The following PDE4B variants were observed in gnomAD, a reference collection of about 807,000 sequenced individuals.
PDE4B encodes 3',5'-cyclic-AMP phosphodiesterase 4B.
PDE4B carries 20 observed loss-of-function variants against 82.2 expected under a neutral mutation model. The observed-to-expected ratio is 0.24, with a 90% CI of 0.17 to 0.35. PDE4B has a LOEUF of 0.35. Ranked by LOEUF, PDE4B falls within the 10% of genes least tolerant of loss-of-function variation. The probability of loss-of-function intolerance (pLI) is 1.00; values close to 1 mark genes in which losing one functional copy is unlikely to be tolerated. For synonymous variants in PDE4B, 320 were observed against 318.9 expected, an observed-to-expected ratio of 1.00 and a Z score of -0.04; for missense variants, 655 against 907.2, an observed-to-expected ratio of 0.72 and a Z score of 3.57.
intron 3 of PDE4B, among the ~76,000 whole-genome samples, chr1:66,223,193 G>T (rs773138191): frequency 6.6e-6 from 1 of 152,138 alleles, no homozygotes; most frequent in African/African-American, 2.4e-5. Flanking sequence ...TATAGTTTCA[G>T]GTAGTGATGC....
intron 1 of PDE4B, among the ~76,000 whole-genome samples, chr1:65,825,577 G>A (rs1646004196): frequency 6.6e-6 from 1 of 151,988 alleles, no homozygotes; most frequent in Non-Finnish European, 1.5e-5. Context: ...CAGGTGCAGT[G>A]GCTCACACCT....
At chr1:66,028,722 C>A (rs1367700683) in intron 3 of PDE4B, among the ~76,000 whole-genome samples, 2 of 152,164 alleles carry the variant, frequency 1.3e-5, no homozygotes, top group African/African-American at 4.8e-5. Flanking sequence ...TTCCACAAAT[C>A]TCTAGGGGAG....
chr1:66,119,638 A>C (rs547783353), intron 3 of PDE4B, among the ~76,000 whole-genome samples: 1 of 152,212 alleles, frequency 6.6e-6, no homozygotes, highest in Non-Finnish European at 1.5e-5. Flanking sequence ...TCCAATTAGC[A>C]GAGGGAGCTC....
intron 1 of PDE4B, among the ~76,000 whole-genome samples, chr1:65,849,883 G>T (rs1646310668): frequency 1.3e-5 from 2 of 152,132 alleles, no homozygotes; most frequent in African/African-American, 4.8e-5. Context: ...ATTACAGCCA[G>T]TTATTGCAAA....
At chr1:66,027,041 T>A (rs1653475210) in intron 3 of PDE4B, among the ~76,000 whole-genome samples, 1 of 152,246 alleles carries the variant, frequency 6.6e-6, no homozygotes, top group Admixed American at 6.5e-5. Flanking sequence ...ATTCTTGGCC[T>A]TTGTTTTACC....
intron 1 of PDE4B, among the ~76,000 whole-genome samples, chr1:65,884,474 G>A (rs1354322832): frequency 1.3e-5 from 2 of 151,936 alleles, no homozygotes; most frequent in Non-Finnish European, 2.9e-5. Flanking sequence ...ACAAGGCCAT[G>A]GTAACCAAAA....
chr1:66,262,366 A>C (rs1430164500), intron 6 of PDE4B, among the ~76,000 whole-genome samples: 1 of 152,198 alleles, frequency 6.6e-6, no homozygotes, highest in Non-Finnish European at 1.5e-5. Flanking sequence ...GGAAGAAACT[A>C]GGAGGTTCCG....
chr1:66,232,584 C>T (rs1212598132), intron 3 of PDE4B, among the ~76,000 whole-genome samples: 1 of 152,066 alleles, frequency 6.6e-6, no homozygotes, highest in Non-Finnish European at 1.5e-5. Flanking sequence ...AGCCCAGGGG[C>T]CCTCCAACAT....
intron 3 of PDE4B, among the ~76,000 whole-genome samples, chr1:66,064,736 A>T (rs903389123): frequency 6.6e-6 from 1 of 151,970 alleles, no homozygotes; most frequent in Non-Finnish European, 1.5e-5. Context: ...TTGCTTTCCC[A>T]TCTTTATTAG....
At chr1:65,994,040 A>C (rs1426417240) in intron 3 of PDE4B, among the ~76,000 whole-genome samples, 2 of 152,134 alleles carry the variant, frequency 1.3e-5, no homozygotes, top group Non-Finnish European at 2.9e-5. Context: ...AAAATTGAGT[A>C]GCTGTACCTT....
chr1:66,084,698 T>C (rs1656916183), intron 3 of PDE4B, among the ~76,000 whole-genome samples: 1 of 152,142 alleles, frequency 6.6e-6, no homozygotes, highest in African/African-American at 2.4e-5. Context: ...TCAGATATGG[T>C]AGGTCTGGCC....
At chr1:66,312,396 C>T (rs1658735990) in intron 7 of PDE4B, among the ~76,000 whole-genome samples, 1 of 152,208 alleles carries the variant, frequency 6.6e-6, no homozygotes, top group Admixed American at 6.5e-5. Flanking sequence ...CTTCCAGCTT[C>T]TAGAGGTTGC....
intron 1 of PDE4B, among the ~76,000 whole-genome samples, chr1:65,805,108 G>T (rs2101176463): frequency 6.6e-6 from 1 of 152,012 alleles, no homozygotes; most frequent in South Asian, 2.1e-4. Context: ...GGGATTACAG[G>T]CGTGCACCAC....
chr1:66,291,186 TC>T (rs1246201523), intron 7 of PDE4B, among the ~76,000 whole-genome samples: 1 of 152,184 alleles, frequency 6.6e-6, no homozygotes, highest in African/African-American at 2.4e-5. Flanking sequence ...ATGTAGTATT[TC>T]CCTTCATCTT....
chr1:66,354,844 A>C, intron 8 of PDE4B: 1 of 1,535,726 alleles, frequency 6.5e-7, no homozygotes, highest in Non-Finnish European at 8.7e-7. Context: ...AGAGCATTCC[A>C]AAATGCCTGA....
At chr1:66,370,037 G>C (rs1663565459) in intron 16 of PDE4B, among the ~76,000 whole-genome samples, 1 of 151,138 alleles carries the variant, frequency 6.6e-6, no homozygotes, top group South Asian at 2.1e-4. Flanking sequence ...TGTAGTCCCA[G>C]CTACTCGGGA....
At chr1:65,874,961 A>G (rs966209032) in intron 1 of PDE4B, among the ~76,000 whole-genome samples, 1 of 151,798 alleles carries the variant, frequency 6.6e-6, no homozygotes, top group Non-Finnish European at 1.5e-5. Flanking sequence ...GGATCTAATT[A>G]AACCAAAGAG....
chr1:66,231,609 A>G (rs963518959), intron 3 of PDE4B, among the ~76,000 whole-genome samples: 3 of 152,244 alleles, frequency 2.0e-5, no homozygotes, highest in Non-Finnish European at 4.4e-5. Context: ...GTTAAAAGAA[A>G]TGCTTTGCAA....
At chr1:66,121,160 G>T (rs77225475) in intron 3 of PDE4B, among the ~76,000 whole-genome samples, 1 of 152,142 alleles carries the variant, frequency 6.6e-6, no homozygotes, top group Non-Finnish European at 1.5e-5. Context: ...AGTCAGGCAG[G>T]TAAAGGATCA....
Sources: gnomAD v4.1 joint callset for allele counts (sites outside exome capture counted in the v4.1 genomes callset) on GRCh38, gnomAD v4.1.1 for gene constraint, MANE v1.5 for transcripts, NCBI Gene and HGNC (gene_info 2026-07-23, HGNC 2026-07-21) for gene names.